DIS3L2: variants seen among roughly 807,000 people sequenced by gnomAD.
The protein encoded by DIS3L2 is DIS3-like exonuclease 2.
DIS3L2 carries 34 observed loss-of-function variants against 97.5 expected under a neutral mutation model. The ratio of observed to expected loss-of-function variants is 0.35; its 90% CI spans 0.27 to 0.46. DIS3L2 has a LOEUF of 0.46. Ranked by LOEUF, DIS3L2 falls within the 20% of genes least tolerant of loss-of-function variation. DIS3L2 has a pLI of 1.00. For missense variants in DIS3L2, 1,038 were observed against 1,146.0 expected (o/e 0.91, Z 1.36); for synonymous variants, 435 against 445.2 (o/e 0.98, Z 0.29).
chr2:232,092,927 G>A (rs1696888672), intron 6 of DIS3L2, among the ~76,000 whole-genome samples: 1 of 152,136 alleles, frequency 6.6e-6, no homozygotes, highest in African/African-American at 2.4e-5. Flanking sequence ...CCAGTACTGT[G>A]TTGAATAACA....
At chr2:232,130,973 T>A in intron 7 of DIS3L2, 1 of 441,186 alleles carries the variant, frequency 2.3e-6, no homozygotes, top group Non-Finnish European at 3.9e-6. Flanking sequence ...GTGTTATCTT[T>A]CTTGCTTAAA....
At position 232,270,896 on chromosome 2, in the gene DIS3L2, C is replaced by CTGTCTCG. The variant is rs1559185251; in HGVS notation, c.1659+7457_1659+7458insGTCTCGT. Among the ~76,000 whole-genome samples the CTGTCTCG allele has an allele frequency of 3.5e-5, 5 of 144,464 alleles. No homozygotes were observed. In the East Asian group the frequency reaches 9.8e-4, roughly 28 times the overall value. 94.8% of individuals were successfully genotyped at this position (144,464 alleles called of 152,430 possible). A position where few individuals can be genotyped will look rare whatever the true frequency, so the allele number is the denominator to read the frequency against. ...TCTCTCTCTCTCTCTCTCTCTCTCT[C>CTGTCTCG]TCTCTCTCTCTCTCTCTCTGTCTCG... On this transcript the variant is annotated intron_variant, in intron 13 of 20. Transcript: ENST00000325385.
At chr2:232,087,068 G>A (rs911004923) in intron 5 of DIS3L2, among the ~76,000 whole-genome samples, 2 of 151,824 alleles carry the variant, frequency 1.3e-5, no homozygotes, top group African/African-American at 4.8e-5. Context: ...TTGTATTCTT[G>A]TGGTTTCCTT....
intron 6 of DIS3L2, among the ~76,000 whole-genome samples, chr2:232,092,726 G>C (rs11674472): frequency 0.012 from 1,786 of 152,174 alleles, 18 homozygotes; most frequent in Non-Finnish European, 0.016. Context: ...AAATGCTACT[G>C]ATTTTTGTAT....
At chr2:232,217,587 T>C (rs1692375314) in intron 10 of DIS3L2, among the ~76,000 whole-genome samples, 1 of 152,220 alleles carries the variant, frequency 6.6e-6, no homozygotes, top group South Asian at 2.1e-4. Flanking sequence ...CAGCTATAAG[T>C]TTGGGATCCT....
intron 1 of DIS3L2, among the ~76,000 whole-genome samples, chr2:231,971,872 C>T (rs1039750633): frequency 3.3e-5 from 5 of 151,198 alleles, no homozygotes; most frequent in African/African-American, 1.2e-4. Flanking sequence ...TGAGCCACCA[C>T]GCCCGGCCCA....
intron 11 of DIS3L2, among the ~76,000 whole-genome samples, chr2:232,248,254 A>G (rs940621107): frequency 5.3e-5 from 8 of 152,210 alleles, no homozygotes; most frequent in African/African-American, 1.7e-4. Flanking sequence ...ATCACTTCTC[A>G]GTTACCTAGC....
intron 6 of DIS3L2, among the ~76,000 whole-genome samples, chr2:232,128,594 A>G (rs1472418694): frequency 6.7e-6 from 1 of 149,694 alleles, no homozygotes; most frequent in Non-Finnish European, 1.5e-5. Context: ...AGCTGGGACT[A>G]TAGGCGAGCA....
chr2:232,056,006 T>C lies in DIS3L2; in HGVS notation c.366+25926T>C, dbSNP rs143404170. Among the ~76,000 whole-genome samples, 132 of 152,256 alleles carry C rather than the reference T, an allele frequency of 8.7e-4. 1 individual carries two copies. Among genetic ancestry groups the C allele is most frequent in the Non-Finnish European group, 1.6e-3 (112 of 68,014 alleles). On this transcript the variant is annotated intron_variant, in intron 5 of 20. Coordinates refer to ENST00000325385, the MANE Select transcript of DIS3L2 (RefSeq NM_152383.5). The stretch of plus-strand genomic sequence containing the variant: ...TAACTAAATGTGAAAGGTAGAACAG[T>C]AAAGCTTTTCAAGGAAAACATAATA...
At chr2:232,012,842 C>A (rs1425753489) in intron 1 of DIS3L2, among the ~76,000 whole-genome samples, 1 of 152,178 alleles carries the variant, frequency 6.6e-6, no homozygotes, top group Non-Finnish European at 1.5e-5. Flanking sequence ...CTATGCCCTC[C>A]TCTGTATCTG....
At chr2:232,216,675 A>G (rs1375865436) in intron 10 of DIS3L2, among the ~76,000 whole-genome samples, 11 of 152,000 alleles carry the variant, frequency 7.2e-5, no homozygotes, top group Admixed American at 3.9e-4. Flanking sequence ...GATATTTGAT[A>G]TGTTTATGTT....
chr2:232,312,105 A>G (rs751657585), intron 14 of DIS3L2, among the ~76,000 whole-genome samples: 1 of 152,168 alleles, frequency 6.6e-6, no homozygotes, highest in African/African-American at 2.4e-5. Flanking sequence ...TTTGTTGCTT[A>G]TACATGTTGC....
chr2:232,104,380 C>CT (rs1192987873), intron 6 of DIS3L2, among the ~76,000 whole-genome samples: 2 of 152,108 alleles, frequency 1.3e-5, no homozygotes, highest in African/African-American at 4.8e-5. Context: ...CCTGGAGTCT[C>CT]TATAACACAC....
intron 10 of DIS3L2, among the ~76,000 whole-genome samples, chr2:232,217,492 T>C (rs1294399339): frequency 6.6e-6 from 1 of 151,462 alleles, no homozygotes; most frequent in African/African-American, 2.4e-5. Context: ...ATTCCAAAGA[T>C]TGAGCACCTG....
intron 9 of DIS3L2, among the ~76,000 whole-genome samples, chr2:232,207,273 G>T (rs1283103986): frequency 6.6e-6 from 1 of 152,172 alleles, no homozygotes; most frequent in Non-Finnish European, 1.5e-5. Flanking sequence ...GGAGAAAGAA[G>T]TGGACACTTC....
chr2:232,326,179 T>G (rs538972301), intron 14 of DIS3L2, among the ~76,000 whole-genome samples: 16 of 152,190 alleles, frequency 1.1e-4, no homozygotes, highest in Admixed American at 8.5e-4. Context: ...CCCAGGACCT[T>G]GGGGAGAAAG....
At position 232,030,087 on chromosome 2, in the gene DIS3L2, T is replaced by A. The variant is rs1165499994; in HGVS notation, c.366+7T>A. The A allele has an allele frequency of 6.2e-7, 1 of 1,608,924 alleles. No individual in the cohort carries two copies. The highest frequency in any genetic ancestry group is 8.5e-7 in the Non-Finnish European group (1 of 1,177,416). ...TCCCGAGGAGCATTGGAAGGTGAGT[T>A]AAGTTTTCCCTTTCTAATTACAGAT... On this transcript the variant is annotated splice_region_variant and intron_variant, in intron 5 of 20. Coordinates refer to ENST00000325385, the MANE Select transcript of DIS3L2 (RefSeq NM_152383.5).
At chr2:231,997,292 TGGGCTGTTGTCCC>T (rs1244351551) in intron 1 of DIS3L2, among the ~76,000 whole-genome samples, 20 of 152,270 alleles carry the variant, frequency 1.3e-4, no homozygotes, top group Non-Finnish European at 2.6e-4. Flanking sequence ...CAAAAAGTGC[TGGGCTGTTGTCCC>T]TTTCAGGACA....
intron 3 of DIS3L2, chr2:232,023,093 A>G (rs183182177): frequency 2.0e-5 from 3 of 152,184 alleles, no homozygotes; most frequent in Non-Finnish European, 4.4e-5. Flanking sequence ...GTCAGATACC[A>G]TCTCTGAAGC....
Sources: gnomAD v4.1 joint callset for allele counts (sites outside exome capture counted in the v4.1 genomes callset) on GRCh38, gnomAD v4.1.1 for gene constraint, MANE v1.5 for transcripts, NCBI Gene and HGNC (gene_info 2026-07-23, HGNC 2026-07-21) for gene names.